NKPD1: variants seen among roughly 807,000 people sequenced by gnomAD.
NKPD1 encodes the protein NTPase KAP family P-loop domain containing 1.
NKPD1 carries 37 observed loss-of-function variants against 42.2 expected under a neutral mutation model. The observed-to-expected ratio is 0.88, with a 90% CI of 0.67 to 1.15. The LOEUF (loss-of-function observed/expected upper bound fraction) is 1.15. Among genes scored for constraint, NKPD1 ranks in the 50% most tolerant of loss-of-function variants. NKPD1 has a pLI of 0.00. For synonymous variants in NKPD1, 552 were observed against 536.5 expected (o/e 1.03, Z -0.40); for missense variants, 1,113 against 1,174.6 (o/e 0.95, Z 0.77).
rs373015825 is a variant in NKPD1 at position 45,150,735 on chromosome 19, A to T, written c.*1203T>A. ...CTGTGACAATTGCTGTGGCCAGAGA[A>T]CTCCGGTGCTGCAGCCAGACCTGGA... On this transcript the variant is annotated 3_prime_UTR_variant, in exon 5 of 5. Transcript: ENST00000686631. 2.0e-5 allele frequency: 3 copies of T among 152,214 alleles called. No homozygotes were observed. The highest frequency in any genetic ancestry group is 1.9e-4 in the East Asian group (1 of 5,196). 9.4% of individuals were successfully genotyped at this position (152,214 alleles called of 1,614,324 possible). A position where few individuals can be genotyped will look rare whatever the true frequency, so the allele number is the denominator to read the frequency against.
chr19:45,155,883 C>G lies in NKPD1; in HGVS notation c.563G>C (p.Cys188Ser), dbSNP rs147674670. The G allele has an allele frequency of 2.1e-5, 28 of 1,305,300 alleles. No individual in the cohort carries two copies. The South Asian group carries it at 2.7e-4, about 13-fold the overall frequency. The allele number at this position is 1,305,300 out of a possible 1,614,324, so 80.9% of individuals were successfully genotyped here. A position where few individuals can be genotyped will look rare whatever the true frequency, so the allele number is the denominator to read the frequency against. The change falls in exon 4 of 5, where the codon TGC becomes TCC. Residue 188 changes from cysteine to serine, a missense_variant. Transcript: ENST00000686631. ...CACGTGGCAGAGTGTCTTGGCCAGG[C>G]AGCTGCAGTAGACGTCATCCTCTGT... The part of the protein sequence containing the change: ...ILTEDDVYCS[C>S]LAKTLCHVPV...
chr19:45,158,695 G>T lies in NKPD1; in HGVS notation c.497C>A (p.Ala166Glu). Residue 166 changes from alanine (A) to glutamate (E), a missense_variant, in exon 3 of 5, where the codon GCG becomes GAG. By Grantham distance (107) the Ala-to-Glu change is moderately radical. Coordinates refer to ENST00000686631, the MANE Select transcript of NKPD1 (RefSeq NM_198478.4). The surrounding 1 kb of genome is among the most constrained non-coding windows in gnomAD (Gnocchi z 4.6). Reference sequence around the variant, plus strand: ...GTAGGCAGTGAAGGAGCCACAGGCCGCTGGGGCGGGCAGGGGCCGGGCATC... The same window carrying T: ...GTAGGCAGTGAAGGAGCCACAGGCCTCTGGGGCGGGCAGGGGCCGGGCATC... Reference protein sequence around the residue: ...PTDARPLPAPAACGSFTAYSS... With the variant: ...PTDARPLPAPEACGSFTAYSS... 2 of 1,187,284 alleles carry T rather than the reference G, an allele frequency of 1.7e-6. No homozygotes were observed. The highest frequency in any genetic ancestry group is 1.1e-6 in the Non-Finnish European group (1 of 938,186). 73.5% of individuals were successfully genotyped at this position (1,187,284 alleles called of 1,614,324 possible). A position where few individuals can be genotyped will look rare whatever the true frequency, so the allele number is the denominator to read the frequency against.
chr19:45,162,000 C>A (rs1969015733), upstream of NKPD1, among the ~76,000 whole-genome samples: 1 of 152,116 alleles, frequency 6.6e-6, no homozygotes, highest in African/African-American at 2.4e-5. Context: ...CGTCTCCTCC[C>A]CCACCCTTCA....
At position 45,151,205 on chromosome 19, in the gene NKPD1, T is replaced by C. The variant is rs1968770509; in HGVS notation, c.*733A>G. Reference sequence around the variant, plus strand: ...GCTGATGCAGTGGCTTCAGTGTCAGTGACTAACCAGTGGCCCTGGAGTGAC... The same window carrying C: ...GCTGATGCAGTGGCTTCAGTGTCAGCGACTAACCAGTGGCCCTGGAGTGAC... On this transcript the variant is annotated 3_prime_UTR_variant, in exon 5 of 5. Coordinates refer to ENST00000686631, the MANE Select transcript of NKPD1 (RefSeq NM_198478.4). 1 of 152,386 alleles carries C rather than the reference T, an allele frequency of 6.6e-6. No homozygotes were observed. Among genetic ancestry groups the C allele is most frequent in the Non-Finnish European group, 1.5e-5 (1 of 68,172 alleles). The allele number at this position is 152,386 out of a possible 1,614,324, so 9.4% of individuals were successfully genotyped here. A position where few individuals can be genotyped will look rare whatever the true frequency, so the allele number is the denominator to read the frequency against.
intron 4 of NKPD1, among the ~76,000 whole-genome samples, chr19:45,154,504 G>C (rs373643233): frequency 1.3e-4 from 20 of 152,346 alleles, no homozygotes; most frequent in African/African-American, 4.8e-4. Flanking sequence ...ACAGCACCCA[G>C]CAGGAGGAGT....
chr19:45,157,096 C>T (rs1968917008), intron 3 of NKPD1, among the ~76,000 whole-genome samples: 1 of 152,250 alleles, frequency 6.6e-6, no homozygotes, highest in Non-Finnish European at 1.5e-5. Context: ...ACCTCTGCTG[C>T]CGCCACCCCG....
intron 4 of NKPD1, among the ~76,000 whole-genome samples, chr19:45,154,347 T>C (rs1389449157): frequency 6.6e-6 from 1 of 152,154 alleles, no homozygotes; most frequent in Admixed American, 6.5e-5. Flanking sequence ...GACAAGTCTC[T>C]CTCCCCTGCT....
Position 45,152,586 on chromosome 19 carries a change from G to A in NKPD1, c.1851C>T (p.Asp617=). The A allele has an allele frequency of 6.3e-7, 1 of 1,586,000 alleles. No homozygotes were observed. The highest frequency in any genetic ancestry group is 8.5e-7 in the Non-Finnish European group (1 of 1,175,358). The part of the protein sequence containing the change: ...ERDCLYEYVP[D]NVVSMRRIVN... Reference sequence around the variant, plus strand: ...CGATGCGCCGCATGGACACCACGTTGTCGGGCACGTACTCGTAGAGGCAGT... The same window carrying A: ...CGATGCGCCGCATGGACACCACGTTATCGGGCACGTACTCGTAGAGGCAGT... The change falls in exon 5 of 5, where the codon GAC becomes GAT. Residue 617 remains aspartate, a synonymous_variant. Transcript: ENST00000686631.
At chr19:45,155,513 A>G (rs1231877586) in intron 4 of NKPD1, among the ~76,000 whole-genome samples, 1 of 152,228 alleles carries the variant, frequency 6.6e-6, no homozygotes, top group Non-Finnish European at 1.5e-5. Flanking sequence ...GGAGCATGGA[A>G]GGCACCAAGC....
At chr19:45,159,898 G>A (rs992396378) in intron 2 of NKPD1, among the ~76,000 whole-genome samples, 162 bp downstream of exon 2, 19 of 152,228 alleles carry the variant, frequency 1.2e-4, no homozygotes, top group African/African-American at 1.2e-4. Context: ...CCTGTGGTCC[G>A]GGTCCTGGGT....
Position 45,152,130 on chromosome 19 carries a change from G to C in NKPD1, c.2307C>G (p.Pro769=), listed in dbSNP as rs368726988. 24 of 1,601,190 alleles carry C rather than the reference G, an allele frequency of 1.5e-5. No homozygotes were observed. The highest frequency in any genetic ancestry group is 1.9e-5 in the Non-Finnish European group (22 of 1,175,012). The change falls in exon 5 of 5, where the codon CCC becomes CCG. Residue 769 remains proline (P), a synonymous_variant. Coordinates refer to ENST00000686631, the MANE Select transcript of NKPD1 (RefSeq NM_198478.4). ...AVSALKPPSP[P]KSPTRDTPHA... is the part of the protein sequence containing the mutation. ...GGGGGGTATCGCGGGTAGGGGACTT[G>C]GGCGGGCTGGGCGGCTTGAGCGCGC...
rs1028712064 is a variant in NKPD1 at position 45,159,195 on chromosome 19, G to C, written c.92-95C>G. On this transcript the variant is annotated intron_variant, in intron 2 of 4. Transcript: ENST00000686631. ...CCAAGTCTTCAGGTAGAACCTGGGG[G>C]CCAGAGTATTCTTGGGAGCCCCAGA... 20 of 1,165,552 alleles carry C rather than the reference G, an allele frequency of 1.7e-5. No homozygotes were observed. In the Admixed American group the frequency reaches 7.1e-4, roughly 41 times the overall value. The allele number at this position is 1,165,552 out of a possible 1,614,324, so 72.2% of individuals were successfully genotyped here. A position where few individuals can be genotyped will look rare whatever the true frequency, so the allele number is the denominator to read the frequency against.
At position 45,152,615 on chromosome 19, in the gene NKPD1, G is replaced by A. The variant is rs754258233; in HGVS notation, c.1822C>T (p.Arg608Cys). The change falls in exon 5 of 5, where the codon CGC becomes TGC. Residue 608 changes from arginine (R) to cysteine (C), a missense_variant. Physicochemically the swap from Arg to Cys is radical, Grantham distance 180. This residue lies in a region of NKPD1 where 867 missense variants were observed against 870.1 expected (regional missense o/e 1.00). Transcript: ENST00000686631. Reference sequence around the variant, plus strand: ...GGCACGTACTCGTAGAGGCAGTCGCGCTCGTCGTGAAGGCAGAAGAGCGCC... The same window carrying A: ...GGCACGTACTCGTAGAGGCAGTCGCACTCGTCGTGAAGGCAGAAGAGCGCC... ...QEALFCLHDE[R>C]DCLYEYVPDN... The A allele has an allele frequency of 1.3e-6, 2 of 1,576,980 alleles. No homozygotes were observed. Among genetic ancestry groups the A allele is most frequent in the Non-Finnish European group, 1.7e-6 (2 of 1,171,508 alleles).
chr19:45,159,116 T>TG lies in NKPD1; in HGVS notation c.92-17dup. On this transcript the variant is annotated splice_polypyrimidine_tract_variant and intron_variant, in intron 2 of 4. Coordinates refer to ENST00000686631, the MANE Select transcript of NKPD1 (RefSeq NM_198478.4). ...TGACAGCATCCTGGAAGGAAGGAAG[T>TG]GGGGGTGACTGGGCCTGTGTCCCCG... The TG allele has an allele frequency of 7.9e-7, 1 of 1,265,422 alleles. No homozygotes were observed. The highest frequency in any genetic ancestry group is 1.0e-6 in the Non-Finnish European group (1 of 979,298). 78.4% of individuals were successfully genotyped at this position (1,265,422 alleles called of 1,614,324 possible).
At position 45,160,190 on chromosome 19, in the gene NKPD1, G is replaced by C; in HGVS notation, c.-40C>G. Reference sequence around the variant, plus strand: ...TGGGTGCTGGGGGCCTGCTCCTGAGGCAGGAGGGAGCACACAGGCTTGGCG... The same window carrying C: ...TGGGTGCTGGGGGCCTGCTCCTGAGCCAGGAGGGAGCACACAGGCTTGGCG... On this transcript the variant is annotated 5_prime_UTR_variant, in exon 2 of 5. Transcript: ENST00000686631. The C allele has an allele frequency of 1.7e-6, 2 of 1,196,628 alleles. No individual in the cohort carries two copies. Among genetic ancestry groups the C allele is most frequent in the African/African-American group, 1.6e-5 (1 of 63,770 alleles). 74.1% of individuals were successfully genotyped at this position (1,196,628 alleles called of 1,614,324 possible).
At chr19:45,155,758 C>G in intron 4 of NKPD1, 27 bp downstream of exon 4, 3 of 1,286,582 alleles carry the variant, frequency 2.3e-6, no homozygotes, top group Non-Finnish European at 3.1e-6. Flanking sequence ...CTCATCCTCC[C>G]CCCAACAAAC....
chr19:45,158,982 G>A lies in NKPD1; in HGVS notation c.210C>T (p.Gly70=). The change falls in exon 3 of 5, where the codon GGC becomes GGT. Residue 70 remains glycine (G), a synonymous_variant. Transcript: ENST00000686631. The surrounding 1 kb of genome is among the most constrained non-coding windows in gnomAD (Gnocchi z 4.6). ...AYHSHQVGGS[G]WRRGLLPSVL... ...CGGAGGGCAGGAGGCCCCGGCGCCA[G>A]CCACTGCCACCCACTTGGTGGCTGT... The A allele has an allele frequency of 7.7e-7, 1 of 1,301,282 alleles. No homozygotes were observed. The highest frequency in any genetic ancestry group is 2.3e-4 in the Middle Eastern group (1 of 4,330). 80.6% of individuals were successfully genotyped at this position (1,301,282 alleles called of 1,614,324 possible).
rs922752141 is a variant in NKPD1, at chr19:45,158,892, G to C, written c.300C>G (p.Leu100=). 1.0e-5 allele frequency: 13 copies of C among 1,293,412 alleles called. No homozygotes were observed. In the African/African-American group the frequency reaches 1.8e-4, roughly 18 times the overall value. 80.1% of individuals were successfully genotyped at this position (1,293,412 alleles called of 1,614,324 possible). Residue 100 remains leucine, a synonymous_variant, in exon 3 of 5, where the codon CTC becomes CTG. Transcript: ENST00000686631. The surrounding 1 kb of genome is among the most constrained non-coding windows in gnomAD (Gnocchi z 4.6). The part of the protein sequence containing the change: ...PSPPSPLRQR[L]CPIHEAQKGL... ...CCTTCTGGGCTTCGTGAATGGGGCA[G>C]AGCCGCTGCCGCAGGGGGCTGGGAG...
At chr19:45,161,058 G>A (rs900744390), upstream of NKPD1, among the ~76,000 whole-genome samples, 5 of 152,274 alleles carry the variant, frequency 3.3e-5, no homozygotes, top group Middle Eastern at 3.4e-3. Context: ...GCCTGTCCCC[G>A]CCCCTTCCCC....
Sources: allele counts gnomAD v4.1 joint callset (sites outside exome capture counted in the v4.1 genomes callset), GRCh38; gene constraint gnomAD v4.1.1; regional missense constraint gnomAD v4.1.1; non-coding constraint Gnocchi (gnomAD v3.1); transcripts MANE v1.5; gene names NCBI Gene and HGNC (gene_info 2026-07-23, HGNC 2026-07-21).